The following HSD17B2 variants were observed in gnomAD, a reference collection of about 807,000 sequenced individuals.
The protein encoded by HSD17B2 is 17-beta-hydroxysteroid dehydrogenase type 2.
A neutral mutation model predicts 26.9 loss-of-function variants in HSD17B2; 32 were observed. That is an observed-to-expected ratio of 1.19 (90% CI 0.90 to 1.60). HSD17B2 has a LOEUF of 1.60. HSD17B2 is among the 40% of genes most tolerant of loss of function. The probability of loss-of-function intolerance (pLI) is 0.00; values close to 1 mark genes in which losing one functional copy is unlikely to be tolerated. For synonymous variants in HSD17B2, 246 were observed against 186.7 expected, an observed-to-expected ratio of 1.32 and a Z score of -2.59; for missense variants, 613 against 468.6, an observed-to-expected ratio of 1.31 and a Z score of -2.85.
chr16:82,036,547 C>G (rs1913631583), intron 1 of HSD17B2, among the ~76,000 whole-genome samples: 1 of 152,038 alleles, frequency 6.6e-6, no homozygotes, highest in East Asian at 1.9e-4. Flanking sequence ...CATCACCCCT[C>G]TGACCATGAT....
chr16:82,093,501 G>T (rs1257816583), intron 4 of HSD17B2: 1 of 152,162 alleles, frequency 6.6e-6, no homozygotes, highest in African/African-American at 2.4e-5. Flanking sequence ...ACTGTTGATG[G>T]GATGTTTGAG....
chr16:82,094,671 TA>T (rs1280788145), intron 4 of HSD17B2: 1 of 152,184 alleles, frequency 6.6e-6, no homozygotes, highest in East Asian at 1.9e-4. Context: ...TATTTGAAGG[TA>T]GGGGCAAGAA....
chr16:82,071,749 C>A (rs895845947), intron 3 of HSD17B2: 1 of 161,144 alleles, frequency 6.2e-6, no homozygotes, highest in African/African-American at 2.4e-5. Context: ...AGCATGCCCT[C>A]TTTTCTGGGA....
At chr16:82,070,577 T>C (rs113230061) in intron 2 of HSD17B2, among the ~76,000 whole-genome samples, 431 of 152,358 alleles carry the variant, frequency 2.8e-3, no homozygotes, top group African/African-American at 9.9e-3. Context: ...CAGTGGTTTG[T>C]TGGTTCCCTA....
chr16:82,079,499 T>A (rs1017976456), intron 3 of HSD17B2, among the ~76,000 whole-genome samples: 10 of 152,190 alleles, frequency 6.6e-5, no homozygotes, highest in Non-Finnish European at 8.8e-5. Flanking sequence ...ACTCTTATGA[T>A]CCCGTTTAAC....
chr16:82,082,290 C>T (rs1904404834), intron 3 of HSD17B2, among the ~76,000 whole-genome samples: 1 of 152,064 alleles, frequency 6.6e-6, no homozygotes, highest in Admixed American at 6.6e-5. Context: ...TTCCATGTGC[C>T]TCTCATTTGG....
chr16:82,093,581 T>A (rs886307120), intron 4 of HSD17B2: 6 of 152,204 alleles, frequency 3.9e-5, no homozygotes. Context: ...TTGGTTTTTG[T>A]GTGCTTGAAT....
In HSD17B2 at chr16:82,035,391, C is replaced by A. The variant is rs1913595373; in HGVS notation, c.-34C>A. 1 of 1,592,764 alleles carries A rather than the reference C, an allele frequency of 6.3e-7. No individual in the cohort carries two copies. The highest frequency in any genetic ancestry group is 1.3e-5 in the African/African-American group (1 of 74,610). On this transcript the variant is annotated 5_prime_UTR_variant, in exon 1 of 5. Coordinates refer to ENST00000199936, the MANE Select transcript of HSD17B2 (RefSeq NM_002153.3). ...GCCTTTGCCCGCTAGACTCACTGGCCCTGAGCACTTGAAGGTGCAGCAAGT... is the reference window on the plus strand; with the variant it reads ...GCCTTTGCCCGCTAGACTCACTGGCACTGAGCACTTGAAGGTGCAGCAAGT...
At chr16:82,065,718 C>T (rs1003402404) in intron 1 of HSD17B2, among the ~76,000 whole-genome samples, 2 of 152,208 alleles carry the variant, frequency 1.3e-5, no homozygotes, top group African/African-American at 2.4e-5. Flanking sequence ...CCCAAACCTC[C>T]CTTCTCTGCT....
chr16:82,079,837 C>G (rs2113283), intron 3 of HSD17B2, among the ~76,000 whole-genome samples: 6 of 152,200 alleles, frequency 3.9e-5, no homozygotes, highest in African/African-American at 1.4e-4. Context: ...CAATGTGATG[C>G]TGACTTGTTG....
intron 1 of HSD17B2, among the ~76,000 whole-genome samples, chr16:82,058,219 T>A (rs73603066): frequency 0.025 from 3,783 of 152,020 alleles, 159 homozygotes; most frequent in African/African-American, 0.085. Context: ...CAGGGGCGTA[T>A]GCCAGCACAC....
chr16:82,063,753 G>A (rs989270260), intron 1 of HSD17B2, among the ~76,000 whole-genome samples: 3 of 152,172 alleles, frequency 2.0e-5, no homozygotes, highest in African/African-American at 7.2e-5. Flanking sequence ...CAGTGGTTGA[G>A]GGCTGATCAG....
At chr16:82,036,323 TGTGTG>T (rs1913624163) in intron 1 of HSD17B2, among the ~76,000 whole-genome samples, 1 of 19,146 alleles carries the variant, frequency 5.2e-5, no homozygotes, top group Non-Finnish European at 1.2e-4. Context: ...CCCTTGTTTG[TGTGTG>T]TGTGTGTGTG....
At chr16:82,071,154 A>G in intron 3 of HSD17B2, 27 bp downstream of exon 3, 1 of 1,607,200 alleles carries the variant, frequency 6.2e-7, no homozygotes, top group South Asian at 1.1e-5. Context: ...ACACATGGTC[A>G]TGGGGTGCCC....
chr16:82,048,224 G>A (rs1325957653), intron 1 of HSD17B2, among the ~76,000 whole-genome samples: 1 of 152,128 alleles, frequency 6.6e-6, no homozygotes, highest in African/African-American at 2.4e-5. Flanking sequence ...GGCACTGGGC[G>A]GTGGGGTCCA....
chr16:82,045,017 G>A (rs1316778170), intron 1 of HSD17B2, among the ~76,000 whole-genome samples: 3 of 151,020 alleles, frequency 2.0e-5, no homozygotes, highest in Admixed American at 2.0e-4. Flanking sequence ...ACTCTACTCA[G>A]GAGGCTGAGA....
At chr16:82,067,553 T>A (rs1373280537) in intron 1 of HSD17B2, among the ~76,000 whole-genome samples, 1 of 152,242 alleles carries the variant, frequency 6.6e-6, no homozygotes. Context: ...TAGGGCTTTC[T>A]ATCTGGTTTC....
chr16:82,058,712 C>A (rs992705523), intron 1 of HSD17B2, among the ~76,000 whole-genome samples: 2 of 152,162 alleles, frequency 1.3e-5, no homozygotes, highest in Non-Finnish European at 2.9e-5. Flanking sequence ...TTACAGTCAT[C>A]TGTACAGTTC....
At chr16:82,043,684 C>CAAAAAAAA (rs398030034) in intron 1 of HSD17B2, among the ~76,000 whole-genome samples, 6 of 22,550 alleles carry the variant, frequency 2.7e-4, no homozygotes, top group African/African-American at 1.0e-3. Context: ...AACTCTGTCT[C>CAAAAAAAA]AAAAAAAAAA....
Sources: gnomAD v4.1 joint callset for allele counts (sites outside exome capture counted in the v4.1 genomes callset) on GRCh38, gnomAD v4.1.1 for gene constraint, MANE v1.5 for transcripts, NCBI Gene and HGNC (gene_info 2026-07-23, HGNC 2026-07-21) for gene names.